Variants in PDXDC1 observed in about 807,000 individuals in gnomAD.
PDXDC1 encodes pyridoxal dependent decarboxylase domain containing 1.
A neutral mutation model predicts 100.1 loss-of-function variants in PDXDC1; 42 were observed. The ratio of observed to expected loss-of-function variants is 0.42; its 90% confidence interval spans 0.33 to 0.54. PDXDC1 has a LOEUF of 0.54. Among genes scored for constraint, PDXDC1 ranks in the 20% least tolerant of loss-of-function variants. The pLI, the probability that PDXDC1 is intolerant of heterozygous loss-of-function variation, is 0.10. For synonymous variants in PDXDC1, 260 were observed against 371.7 expected (o/e 0.70, Z 3.46); for missense variants, 636 against 979.2 (o/e 0.65, Z 4.68).
chr16:15,068,667 C>T (rs902794902), intron 16 of PDXDC1, among the ~76,000 whole-genome samples: 7 of 152,206 alleles, frequency 4.6e-5, no homozygotes, highest in Admixed American at 3.3e-4. Flanking sequence ...TTGATTCTAG[C>T]TTGCATGTCT....
intron 16 of PDXDC1, chr16:15,131,525 C>T (rs878964231): frequency 6.8e-5 from 110 of 1,607,378 alleles, no homozygotes; most frequent in South Asian, 4.0e-4. Context: ...CCCTGGGCCA[C>T]GATCTCCTCG....
Position 15,132,860 on chromosome 16 carries a change from A to G in PDXDC1, c.1400-6019A>G, listed in dbSNP as rs569370258. On this transcript the variant is annotated intron_variant, in intron 16 of 16. Transcript: ENST00000535621. ...GTGCTTGGGCTCTGCCGCCACGTCCAGGGCCCGCTCGTACTGGGGCAGGCA... is the reference window on the plus strand; with the variant it reads ...GTGCTTGGGCTCTGCCGCCACGTCCGGGGCCCGCTCGTACTGGGGCAGGCA... The G allele has an allele frequency of 1.3e-5, 21 of 1,588,550 alleles. No homozygotes were observed. The South Asian group carries it at 2.1e-4, about 16-fold the overall frequency.
intron 14 of PDXDC1, among the ~76,000 whole-genome samples, chr16:15,027,385 G>A (rs796284462): frequency 6.6e-6 from 1 of 152,386 alleles, no homozygotes; most frequent in Middle Eastern, 3.4e-3. Context: ...AGGCTCCAGC[G>A]GGCATGTGTT....
At chr16:15,039,337 C>T (rs962797063), downstream of PDXDC1, among the ~76,000 whole-genome samples, 1 of 152,280 alleles carries the variant, frequency 6.6e-6, no homozygotes, top group South Asian at 2.1e-4. Flanking sequence ...GTGAAAACAT[C>T]AGCATTTCAT....
chr16:15,087,486 C>A (rs575053742), intron 16 of PDXDC1, among the ~76,000 whole-genome samples: 2 of 152,306 alleles, frequency 1.3e-5, no homozygotes, highest in East Asian at 1.9e-4. Context: ...TCCCTATATG[C>A]GGAGAAGAAG....
chr16:15,125,619 T>A (rs2377168), intron 16 of PDXDC1: 2 of 1,171,736 alleles, frequency 1.7e-6, no homozygotes, highest in Non-Finnish European at 2.6e-6. Flanking sequence ...AGGTGCACAG[T>A]GTCTGGAGTC....
At chr16:15,116,551 C>CT (rs2047246017) in intron 16 of PDXDC1, among the ~76,000 whole-genome samples, 2 of 121,010 alleles carry the variant, frequency 1.7e-5, no homozygotes, top group South Asian at 6.7e-4. Context: ...TGGGATTTCT[C>CT]TAAGATTGTT....
At chr16:15,053,480 TA>T (rs58008251) in intron 16 of PDXDC1, among the ~76,000 whole-genome samples, 3 of 152,208 alleles carry the variant, frequency 2.0e-5, no homozygotes, top group Admixed American at 1.3e-4. Flanking sequence ...ATCATTTTTT[TA>T]AAAAAAGTAA....
intron 16 of PDXDC1, among the ~76,000 whole-genome samples, chr16:15,124,942 T>C (rs1346560910): frequency 2.0e-5 from 3 of 149,076 alleles, no homozygotes; most frequent in Non-Finnish European, 4.5e-5. Context: ...AGGTTAGGAG[T>C]TCGAGACCAG....
intron 13 of PDXDC1, among the ~76,000 whole-genome samples, chr16:15,023,223 T>A (rs564033509): frequency 9.2e-5 from 14 of 152,398 alleles, no homozygotes. Flanking sequence ...TCTTCTGATA[T>A]CTTCCTGAAG....
At chr16:15,065,327 T>A (rs759623688) in intron 16 of PDXDC1, 34 of 1,613,770 alleles carry the variant, frequency 2.1e-5, no homozygotes, top group Non-Finnish European at 2.6e-5. Flanking sequence ...CATCTGGCGA[T>A]TGTTCCTCTC....
At chr16:15,044,762 T>A (rs986152165) in intron 16 of PDXDC1, 3 of 239,374 alleles carry the variant, frequency 1.3e-5, no homozygotes, top group Non-Finnish European at 2.4e-5. Flanking sequence ...GGTGGGCGGA[T>A]CACTTGAGGT....
At chr16:15,039,875 A>G, downstream of PDXDC1, 1 of 713,194 alleles carries the variant, frequency 1.4e-6, no homozygotes, top group African/African-American at 1.8e-5. Flanking sequence ...AGAAGCTGAC[A>G]GCATAAACTT....
intron 1 of PDXDC1, chr16:14,989,125 C>T (rs1335094081): frequency 1.1e-5 from 18 of 1,614,160 alleles, no homozygotes; most frequent in Admixed American, 1.7e-5. Flanking sequence ...TTCATTTCCA[C>T]TCCTGGGCTG....
At chr16:15,093,322 C>G (rs571970483) in intron 16 of PDXDC1, among the ~76,000 whole-genome samples, 4 of 152,140 alleles carry the variant, frequency 2.6e-5, no homozygotes, top group Admixed American at 6.5e-5. Context: ...TGTCTTCATT[C>G]AAGTGGAAGC....
At position 15,059,280 on chromosome 16, in the gene PDXDC1, C is replaced by T. The variant is rs530426854; in HGVS notation, c.1399+29224C>T. Among the ~76,000 whole-genome samples the T allele has an allele frequency of 4.6e-5, 7 of 152,194 alleles. No individual in the cohort carries two copies. The East Asian group carries it at 1.4e-3, about 29-fold the overall frequency. On this transcript the variant is annotated intron_variant, in intron 16 of 16. Transcript: ENST00000535621. ...TTAAGAACCACCATCGTAAGCACTG[C>T]CCGGCAAGGGAAACACGCTGGTTCC... is the stretch of plus-strand genomic sequence containing the variant.
At chr16:15,150,271 G>A in the PDXDC1 span, among the ~76,000 whole-genome samples, 3 of 151,890 alleles carry the variant, frequency 2.0e-5, no homozygotes, top group Non-Finnish European at 4.4e-5. Context: ...AACCCAGGCG[G>A]CGGAGCTTGC....
chr16:15,051,705 T>TC (rs1282208419), intron 16 of PDXDC1, among the ~76,000 whole-genome samples: 1 of 149,460 alleles, frequency 6.7e-6, no homozygotes, highest in Non-Finnish European at 1.5e-5. Flanking sequence ...TTAATTTTTT[T>TC]TTTTTTTTTT....
At chr16:15,048,378 TTTTGTTTG>T (rs745545400) in intron 16 of PDXDC1, among the ~76,000 whole-genome samples, 1 of 152,120 alleles carries the variant, frequency 6.6e-6, no homozygotes, top group Admixed American at 6.5e-5. Flanking sequence ...TATTATAGTT[TTTTGTTTG>T]TTTGTTTGTT....
Sources: gnomAD v4.1 joint callset for allele counts (sites outside exome capture counted in the v4.1 genomes callset) on GRCh38, gnomAD v4.1.1 for gene constraint, MANE v1.5 for transcripts, NCBI Gene and HGNC (gene_info 2026-07-23, HGNC 2026-07-21) for gene names.